HIVEP3: variants seen among roughly 807,000 people sequenced by gnomAD.
HIVEP3 encodes the protein transcription factor HIVEP3.
Under a neutral mutation model 152.8 loss-of-function variants are expected in HIVEP3, and 49 were observed. The ratio of observed to expected loss-of-function variants is 0.32; its 90% CI spans 0.26 to 0.41. The LOEUF (loss-of-function observed/expected upper bound fraction) is 0.41, where lower values mean the gene tolerates loss of function less well. Ranked by LOEUF, HIVEP3 falls within the 10% of genes least tolerant of loss-of-function variation. HIVEP3 has a pLI of 1.00. For missense variants in HIVEP3, 2,790 were observed against 3,103.3 expected (o/e 0.90, Z 2.40); for synonymous variants, 1,269 against 1,289.0 (o/e 0.98, Z 0.33).
At chr1:42,030,825 T>C (rs1022782029) in intron 1 of HIVEP3, among the ~76,000 whole-genome samples, 1 of 152,240 alleles carries the variant, frequency 6.6e-6, no homozygotes, top group African/African-American at 2.4e-5. Context: ...TTGACAATCA[T>C]TGAAGACAGG....
Position 41,908,541 on chromosome 1 carries a change from T to C in HIVEP3, c.-801+9872A>G, listed in dbSNP as rs1391140868. 2.6e-5 allele frequency among the ~76,000 whole-genome samples: 4 copies of C among 152,218 alleles called. No homozygotes were observed. In the East Asian group the frequency reaches 7.7e-4, roughly 29 times the overall value. ...ACTGTAATAAATACATGTGGATATA[T>C]ACATTCTGTTAATAGACTTGGCATA... is the stretch of plus-strand genomic sequence containing the variant. On this transcript the variant is annotated intron_variant, in intron 1 of 8. Transcript: ENST00000372583.
Position 41,664,404 on chromosome 1 carries a change from G to C in HIVEP3, c.-720-35457C>G, listed in dbSNP as rs536364420. 6.4e-4 allele frequency among the ~76,000 whole-genome samples: 97 copies of C among 152,260 alleles called. 1 individual carries two copies. In the South Asian group the frequency reaches 0.02, roughly 31 times the overall value. On this transcript the variant is annotated intron_variant, in intron 2 of 8. Coordinates refer to ENST00000372583, the MANE Select transcript of HIVEP3 (RefSeq NM_024503.5). The surrounding 1 kb of genome is among the most constrained non-coding windows in gnomAD (Gnocchi z 4.4). The stretch of plus-strand genomic sequence containing the variant: ...TGAATGACATCCTCCTCCCCTTTGA[G>C]AGGTGGCCTGGCCTCAAGGGACCCT...
chr1:41,757,440 C>A (rs1224299540), intron 1 of HIVEP3, among the ~76,000 whole-genome samples: 1 of 151,688 alleles, frequency 6.6e-6, no homozygotes, highest in Admixed American at 6.6e-5. Context: ...TTTTAATTAG[C>A]TGAGAGTGGT....
At chr1:41,872,302 T>C (rs1340502860) in intron 1 of HIVEP3, among the ~76,000 whole-genome samples, 1 of 152,182 alleles carries the variant, frequency 6.6e-6, no homozygotes, top group East Asian at 1.9e-4. Context: ...GTGGCGGGAT[T>C]GGTTACAAGT....
At chr1:41,896,810 G>A (rs112805829) in intron 1 of HIVEP3, among the ~76,000 whole-genome samples, 7,454 of 151,970 alleles carry the variant, frequency 0.049, 585 homozygotes, top group African/African-American at 0.17. Flanking sequence ...TCCTGACCTC[G>A]TGATCTGCCT....
chr1:41,897,949 GAGA>G (rs1644558565), intron 1 of HIVEP3, among the ~76,000 whole-genome samples: 1 of 140,570 alleles, frequency 7.1e-6, no homozygotes. Flanking sequence ...GAGAGAGAGA[GAGA>G]GAGAGAGAGA....
intron 1 of HIVEP3, among the ~76,000 whole-genome samples, chr1:41,749,010 C>G (rs941274016): frequency 6.6e-6 from 1 of 152,156 alleles, no homozygotes; most frequent in African/African-American, 2.4e-5. Flanking sequence ...TTGCTGCCCA[C>G]ACAAAGATGA....
intron 5 of HIVEP3, among the ~76,000 whole-genome samples, chr1:41,555,284 G>A (rs957779118): frequency 2.0e-5 from 3 of 152,240 alleles, no homozygotes; most frequent in African/African-American, 7.2e-5. Context: ...GGCTCTGTGG[G>A]CATGGGACCT....
intron 3 of HIVEP3, among the ~76,000 whole-genome samples, chr1:41,619,909 T>A (rs565742477): frequency 2.6e-5 from 4 of 152,296 alleles, no homozygotes; most frequent in South Asian, 2.1e-4. Flanking sequence ...TAGGCATGGC[T>A]GGCCACTCCC....
intron 1 of HIVEP3, among the ~76,000 whole-genome samples, chr1:41,947,124 G>A (rs907328712): frequency 6.6e-6 from 1 of 152,164 alleles, no homozygotes; most frequent in Admixed American, 6.5e-5. Context: ...CACCTGGATT[G>A]TTTTACCCCA....
At chr1:42,013,913 A>C (rs373652481) in intron 1 of HIVEP3, among the ~76,000 whole-genome samples, 4 of 152,260 alleles carry the variant, frequency 2.6e-5, no homozygotes, top group African/African-American at 9.6e-5. Flanking sequence ...TCCTCTACCC[A>C]TGTATGGCAA....
chr1:41,549,669 C>G (rs1643875303), intron 5 of HIVEP3, among the ~76,000 whole-genome samples: 2 of 152,194 alleles, frequency 1.3e-5, no homozygotes, highest in Non-Finnish European at 2.9e-5. Flanking sequence ...GCATAAATGT[C>G]TTCTTTTGAG....
At chr1:41,523,489 G>C (rs776321403) in intron 6 of HIVEP3, among the ~76,000 whole-genome samples, 5 of 152,270 alleles carry the variant, frequency 3.3e-5, no homozygotes, top group Admixed American at 1.3e-4. Context: ...CAGGGGTTCA[G>C]TTAATGGGGT....
At chr1:41,817,047 T>A (rs1651314649) in intron 1 of HIVEP3, among the ~76,000 whole-genome samples, 1 of 152,214 alleles carries the variant, frequency 6.6e-6, no homozygotes, top group Non-Finnish European at 1.5e-5. Context: ...CTTCCTAAAG[T>A]GAGCAAATGA....
chr1:41,784,284 A>G (rs1649219817), intron 1 of HIVEP3, among the ~76,000 whole-genome samples: 2 of 152,268 alleles, frequency 1.3e-5, no homozygotes, highest in Non-Finnish European at 2.9e-5. Context: ...GTATGAAAAA[A>G]TAAAGAATGT....
At chr1:41,890,893 T>A (rs1327179073) in intron 1 of HIVEP3, among the ~76,000 whole-genome samples, 1 of 152,228 alleles carries the variant, frequency 6.6e-6, no homozygotes, top group Non-Finnish European at 1.5e-5. Flanking sequence ...CATTCCTTAC[T>A]ACATAATTAT....
At chr1:41,967,478 A>T (rs1645205718) in intron 1 of HIVEP3, among the ~76,000 whole-genome samples, 1 of 152,234 alleles carries the variant, frequency 6.6e-6, no homozygotes, top group Non-Finnish European at 1.5e-5. Context: ...GGCAGAAATC[A>T]AGAAGTTCTT....
intron 5 of HIVEP3, among the ~76,000 whole-genome samples, chr1:41,529,497 ACCC>A (rs1303443407): frequency 2.7e-5 from 2 of 72,780 alleles, no homozygotes; most frequent in African/African-American, 1.1e-4. Context: ...CATACTCCAC[ACCC>A]CATCCTCACA....
chr1:41,719,294 G>A (rs1646643019), intron 1 of HIVEP3, among the ~76,000 whole-genome samples: 1 of 152,254 alleles, frequency 6.6e-6, no homozygotes, highest in Non-Finnish European at 1.5e-5. Context: ...CTGTTAGGGT[G>A]CAGGAGACAG....
Sources: gnomAD v4.1 joint callset for allele counts (sites outside exome capture counted in the v4.1 genomes callset) on GRCh38, gnomAD v4.1.1 for gene constraint, Gnocchi (gnomAD v3.1) non-coding constraint, MANE v1.5 for transcripts, NCBI Gene and HGNC (gene_info 2026-07-23, HGNC 2026-07-21) for gene names.